The following TAF3 variants were observed in gnomAD, a reference collection of about 807,000 sequenced individuals.
The protein encoded by TAF3 is transcription initiation factor TFIID subunit 3.
Under a neutral mutation model 80.6 loss-of-function variants are expected in TAF3, and 7 were observed. The observed-to-expected ratio is 0.09, with a 90% confidence interval of 0.05 to 0.16. The LOEUF (loss-of-function observed/expected upper bound fraction) is 0.16. Ranked by LOEUF, TAF3 falls within the 10% of genes least tolerant of loss-of-function variation. TAF3 has a pLI of 1.00. For missense variants in TAF3, 921 were observed against 1,140.2 expected (o/e 0.81, Z 2.77); for synonymous variants, 444 against 446.1 (o/e 1.00, Z 0.06).
chr10:7,892,389 A>G (rs897272667), intron 2 of TAF3, among the ~76,000 whole-genome samples: 6 of 152,360 alleles, frequency 3.9e-5, no homozygotes, highest in African/African-American at 1.4e-4. Flanking sequence ...TTCATAAGAA[A>G]GAACCATAAT....
chr10:7,834,489 T>C (rs911826729), intron 2 of TAF3, among the ~76,000 whole-genome samples: 5 of 152,150 alleles, frequency 3.3e-5, no homozygotes, highest in Admixed American at 2.0e-4. Flanking sequence ...GGGATACTTA[T>C]TATATATAAC....
intron 2 of TAF3, among the ~76,000 whole-genome samples, chr10:7,927,584 A>T (rs1283251907): frequency 1.3e-5 from 2 of 152,212 alleles, no homozygotes; most frequent in South Asian, 4.1e-4. Context: ...TGAGTTGCCT[A>T]ACAACTAATC....
At chr10:7,845,033 T>A (rs2131119292) in intron 2 of TAF3, among the ~76,000 whole-genome samples, 1 of 152,350 alleles carries the variant, frequency 6.6e-6, no homozygotes, top group South Asian at 2.1e-4. Flanking sequence ...TAAACACATT[T>A]ATGGTTTTTG....
At chr10:7,933,666 A>C (rs940075226) in intron 2 of TAF3, among the ~76,000 whole-genome samples, 6 of 152,218 alleles carry the variant, frequency 3.9e-5, no homozygotes, top group South Asian at 2.1e-4. Context: ...GCACATATAC[A>C]CATCAGTGCT....
At chr10:7,960,597 C>T (rs1219781000) in intron 2 of TAF3, among the ~76,000 whole-genome samples, 1 of 152,074 alleles carries the variant, frequency 6.6e-6, no homozygotes, top group African/African-American at 2.4e-5. Flanking sequence ...GGAGTGTGAC[C>T]ACATATTTGG....
chr10:7,976,618 T>G (rs1588573850), intron 3 of TAF3, among the ~76,000 whole-genome samples: 2 of 152,244 alleles, frequency 1.3e-5, no homozygotes, highest in East Asian at 3.9e-4. Context: ...TTGGCCAAAC[T>G]GATCTCGAAT....
chr10:7,919,550 C>T (rs964561678), intron 2 of TAF3, among the ~76,000 whole-genome samples: 29 of 152,090 alleles, frequency 1.9e-4, no homozygotes, highest in Non-Finnish European at 3.7e-4. Context: ...GGTTATAGTA[C>T]GGTGGTCCCT....
At chr10:7,957,709 A>T (rs1353807113) in intron 2 of TAF3, among the ~76,000 whole-genome samples, 1 of 152,030 alleles carries the variant, frequency 6.6e-6, no homozygotes, top group Non-Finnish European at 1.5e-5. Context: ...AATAACAGAA[A>T]ATGAGTTCTT....
At chr10:7,947,054 G>T (rs1030243586) in intron 2 of TAF3, among the ~76,000 whole-genome samples, 1 of 152,224 alleles carries the variant, frequency 6.6e-6, no homozygotes, top group South Asian at 2.1e-4. Flanking sequence ...GAGCCACCTC[G>T]CCTGGCCACA....
chr10:7,829,418 G>A (rs1836776347), intron 2 of TAF3, among the ~76,000 whole-genome samples: 1 of 152,158 alleles, frequency 6.6e-6, no homozygotes, highest in African/African-American at 2.4e-5. Context: ...ATCATATTGT[G>A]TTTGGTTGTC....
chr10:7,900,936 A>C (rs890188607), intron 2 of TAF3, among the ~76,000 whole-genome samples: 8 of 30,800 alleles, frequency 2.6e-4, no homozygotes, highest in African/African-American at 5.7e-4. Context: ...TAATCTTTTA[A>C]ATTATTTTTT....
chr10:7,846,361 C>T (rs779358007), intron 2 of TAF3, among the ~76,000 whole-genome samples: 2 of 152,096 alleles, frequency 1.3e-5, no homozygotes, highest in Non-Finnish European at 2.9e-5. Flanking sequence ...TATATTCTGT[C>T]CTTTCATTTA....
At chr10:7,854,004 A>G (rs1016788913) in intron 2 of TAF3, among the ~76,000 whole-genome samples, 8 of 152,214 alleles carry the variant, frequency 5.3e-5, no homozygotes, top group African/African-American at 1.9e-4. Flanking sequence ...TGCCTCCTTT[A>G]TATCAACAAA....
chr10:8,009,919 T>G lies in TAF3; in HGVS notation c.2568+589T>G, dbSNP rs1832038072. Among the ~76,000 whole-genome samples the G allele has an allele frequency of 7.0e-6, 1 of 142,848 alleles. No homozygotes were observed. Among genetic ancestry groups the G allele is most frequent in the Admixed American group, 6.9e-5 (1 of 14,498 alleles). The allele number at this position is 142,848 out of a possible 152,430, so 93.7% of individuals were successfully genotyped here. A position where few individuals can be genotyped will look rare whatever the true frequency, so the allele number is the denominator to read the frequency against. ...ACAGGCATGAGCCACCGTGCCCGGC[T>G]TTTTTTTTTTGAAAGGGGATTTCAC... On this transcript the variant is annotated intron_variant, in intron 5 of 6. Transcript: ENST00000344293. The surrounding 1 kb of genome is among the most constrained non-coding windows in gnomAD (Gnocchi z 4.1).
chr10:7,913,529 T>G (rs1009101525), intron 2 of TAF3, among the ~76,000 whole-genome samples: 41 of 152,234 alleles, frequency 2.7e-4, no homozygotes, highest in Admixed American at 2.7e-3. Context: ...TTAAGATTAA[T>G]TTTTAAAATC....
rs565303352 is a variant in TAF3 at position 7,963,561 on chromosome 10, A to G, written c.410-359A>G. On this transcript the variant is annotated intron_variant, in intron 2 of 6. Transcript: ENST00000344293. Reference sequence around the variant, plus strand: ...TAATTTCCTTTTTTTTTTAGAAATCATGTTTGAACGCCGCATGTTCTCACT... The same window carrying G: ...TAATTTCCTTTTTTTTTTAGAAATCGTGTTTGAACGCCGCATGTTCTCACT... Among the ~76,000 whole-genome samples, 6 of 152,118 alleles carry G rather than the reference A, an allele frequency of 3.9e-5. No homozygotes were observed. The East Asian group carries it at 1.2e-3, about 29-fold the overall frequency.
intron 2 of TAF3, among the ~76,000 whole-genome samples, chr10:7,840,277 T>TGA (rs1276441159): frequency 6.6e-6 from 1 of 151,650 alleles, no homozygotes; most frequent in Non-Finnish European, 1.5e-5. Context: ...CTCAGCCTCC[T>TGA]GAATAGCTCT....
intron 2 of TAF3, among the ~76,000 whole-genome samples, chr10:7,936,349 C>G (rs1837920219): frequency 6.6e-6 from 1 of 152,042 alleles, no homozygotes; most frequent in South Asian, 2.1e-4. Flanking sequence ...CTGGGAGCTT[C>G]TAGTTGGGGA....
intron 4 of TAF3, among the ~76,000 whole-genome samples, chr10:7,984,377 A>G (rs538234605): frequency 1.3e-5 from 2 of 152,358 alleles, no homozygotes; most frequent in African/African-American, 4.8e-5. Context: ...GATTATAATC[A>G]AAGCATTTCC....
Sources: allele counts gnomAD v4.1 joint callset (sites outside exome capture counted in the v4.1 genomes callset), GRCh38; gene constraint gnomAD v4.1.1; non-coding constraint Gnocchi (gnomAD v3.1); transcripts MANE v1.5; gene names NCBI Gene and HGNC (gene_info 2026-07-23, HGNC 2026-07-21).